CRTAC1: variants seen among roughly 807,000 people sequenced by gnomAD.
CRTAC1 encodes acidic secreted protein in cartilage.
A neutral mutation model predicts 67.8 loss-of-function variants in CRTAC1; 37 were observed. The ratio of observed to expected loss-of-function variants is 0.55; its 90% CI spans 0.42 to 0.72. The LOEUF (loss-of-function observed/expected upper bound fraction) is 0.72, where lower values mean the gene tolerates loss of function less well. Ranked by LOEUF, CRTAC1 falls within the 30% of genes least tolerant of loss-of-function variation. The pLI, the probability that CRTAC1 is intolerant of heterozygous loss-of-function variation, is 0.00. For synonymous variants in CRTAC1, 348 were observed against 371.0 expected (o/e 0.94, Z 0.71); for missense variants, 780 against 931.6 (o/e 0.84, Z 2.12).
chr10:98,011,072 G>A, intron 2 of CRTAC1, 66 bp downstream of exon 2: 1 of 1,404,220 alleles, frequency 7.1e-7, no homozygotes, highest in Non-Finnish European at 1.0e-6. Context: ...GTTTGGAGTT[G>A]TTACACAGCC....
At chr10:97,900,437 T>C (rs2136563869) in intron 8 of CRTAC1, among the ~76,000 whole-genome samples, 1 of 152,350 alleles carries the variant, frequency 6.6e-6, no homozygotes, top group East Asian at 1.9e-4. Context: ...CTGTATTTAC[T>C]TGGACCCCGT....
chr10:97,922,065 C>T (rs925973115), intron 4 of CRTAC1, among the ~76,000 whole-genome samples: 4 of 152,100 alleles, frequency 2.6e-5, no homozygotes, highest in African/African-American at 9.7e-5. Context: ...TGTCAAAAGC[C>T]TTGGTCCTGA....
At chr10:98,022,381 AAG>A (rs1843143196) in intron 1 of CRTAC1, among the ~76,000 whole-genome samples, 1 of 152,044 alleles carries the variant, frequency 6.6e-6, no homozygotes, top group Non-Finnish European at 1.5e-5. Context: ...GAAAGAAAGA[AAG>A]AAAAAATAAA....
intron 2 of CRTAC1, among the ~76,000 whole-genome samples, chr10:97,987,036 C>T (rs1033061693): frequency 1.5e-4 from 23 of 152,348 alleles, no homozygotes; most frequent in African/African-American, 4.8e-4. Context: ...GATTCTGAGA[C>T]TCTCAGTATA....
chr10:98,002,441 A>T (rs1241763399), intron 2 of CRTAC1, among the ~76,000 whole-genome samples: 1 of 152,178 alleles, frequency 6.6e-6, no homozygotes, highest in African/African-American at 2.4e-5. Context: ...CTTGGTAAAC[A>T]GATCTACAGG....
intron 1 of CRTAC1, among the ~76,000 whole-genome samples, chr10:98,015,587 A>G (rs1331632083): frequency 6.6e-6 from 1 of 152,240 alleles, no homozygotes; most frequent in Non-Finnish European, 1.5e-5. Context: ...CTGGCACAGT[A>G]TATGTAGCAA....
rs2050197396 is a variant in CRTAC1, at chr10:97,880,402, G to A, written c.1676-10C>T. 1 of 1,611,536 alleles carries A rather than the reference G, an allele frequency of 6.2e-7. No homozygotes were observed. The highest frequency in any genetic ancestry group is 8.5e-7 in the Non-Finnish European group (1 of 1,177,816). ...ATGCATTCATTGGTGTCTGCAAGGCGAGGGGAACCACTCACCATGAAGGTG... is the reference window on the plus strand; with the variant it reads ...ATGCATTCATTGGTGTCTGCAAGGCAAGGGGAACCACTCACCATGAAGGTG... On this transcript the variant is annotated splice_polypyrimidine_tract_variant and intron_variant, in intron 13 of 14. Coordinates refer to ENST00000370597, the MANE Select transcript of CRTAC1 (RefSeq NM_018058.7).
intron 2 of CRTAC1, among the ~76,000 whole-genome samples, chr10:97,966,125 C>A (rs1486699796): frequency 6.6e-6 from 1 of 152,192 alleles, no homozygotes; most frequent in Non-Finnish European, 1.5e-5. Flanking sequence ...ATCACCCAGG[C>A]TTGAGTGCAG....
chr10:97,888,150 G>A (rs753155121), intron 11 of CRTAC1, among the ~76,000 whole-genome samples: 7 of 152,198 alleles, frequency 4.6e-5, no homozygotes, highest in African/African-American at 7.2e-5. Flanking sequence ...ACCAAGCTTT[G>A]TGCAGGGATT....
At chr10:97,950,246 CAGAGAGAG>C (rs71007371) in intron 2 of CRTAC1, among the ~76,000 whole-genome samples, 402 of 113,408 alleles carry the variant, frequency 3.5e-3, no homozygotes, top group Non-Finnish European at 5.2e-3. Context: ...CACACACACA[CAGAGAGAG>C]AGAGAGAGAG....
intron 2 of CRTAC1, among the ~76,000 whole-genome samples, chr10:98,001,937 C>T (rs1333227979): frequency 1.3e-5 from 2 of 152,200 alleles, no homozygotes; most frequent in African/African-American, 2.4e-5. Flanking sequence ...GCGTCAGATC[C>T]GCCCCCTGGA....
At chr10:97,894,388 T>G (rs1339134552) in intron 11 of CRTAC1, among the ~76,000 whole-genome samples, 1 of 151,840 alleles carries the variant, frequency 6.6e-6, no homozygotes, top group Non-Finnish European at 1.5e-5. Context: ...GCTATATGCA[T>G]GTTGATGCTT....
intron 14 of CRTAC1, chr10:97,875,821 T>A (rs1416447820): frequency 6.6e-6 from 1 of 152,206 alleles, no homozygotes; most frequent in Non-Finnish European, 1.5e-5. Context: ...ACCCAGACCC[T>A]GGGAGGGGGC....
intron 2 of CRTAC1, among the ~76,000 whole-genome samples, chr10:97,949,013 T>C (rs796203351): frequency 1.2e-4 from 19 of 152,054 alleles, no homozygotes; most frequent in African/African-American, 4.3e-4. Context: ...CCACAGCACA[T>C]GGAGATTATG....
chr10:97,903,878 C>T (rs1265748497), intron 7 of CRTAC1, among the ~76,000 whole-genome samples: 1 of 152,108 alleles, frequency 6.6e-6, no homozygotes, highest in East Asian at 1.9e-4. Flanking sequence ...CTGAGGCCAC[C>T]TTGCCTGCCA....
intron 2 of CRTAC1, among the ~76,000 whole-genome samples, chr10:98,003,600 G>T (rs190731853): frequency 1.6e-4 from 24 of 152,250 alleles, no homozygotes; most frequent in Non-Finnish European, 2.6e-4. Context: ...ATTACATTGG[G>T]CCTACTCAGA....
intron 14 of CRTAC1, chr10:97,870,554 G>A (rs2050081409): frequency 6.6e-6 from 1 of 152,122 alleles, no homozygotes; most frequent in African/African-American, 2.4e-5. Flanking sequence ...AGAATTCACT[G>A]AGCTGTATAC....
intron 2 of CRTAC1, among the ~76,000 whole-genome samples, chr10:97,995,328 A>G (rs1029084718): frequency 2.0e-5 from 3 of 151,998 alleles, no homozygotes; most frequent in Non-Finnish European, 2.9e-5. Context: ...ACCCCTCCTC[A>G]TCTGTCTTAT....
Position 98,030,401 on chromosome 10 carries a change from A to C in CRTAC1, c.24+48T>G. On this transcript the variant is annotated intron_variant, in intron 1 of 14. Coordinates refer to ENST00000370597, the MANE Select transcript of CRTAC1 (RefSeq NM_018058.7). The surrounding 1 kb of genome is among the most constrained non-coding windows in gnomAD (Gnocchi z 4.2). ...GATCCGGGGGGGCGCGCAGAGCTGGAGAAACTTTCTCCGCCTTAGGGTGGG... is the reference window on the plus strand; with the variant it reads ...GATCCGGGGGGGCGCGCAGAGCTGGCGAAACTTTCTCCGCCTTAGGGTGGG... 1 of 1,191,024 alleles carries C rather than the reference A, an allele frequency of 8.4e-7. No individual in the cohort carries two copies. The allele number at this position is 1,191,024 out of a possible 1,614,324, so 73.8% of individuals were successfully genotyped here. A position where few individuals can be genotyped will look rare whatever the true frequency, so the allele number is the denominator to read the frequency against.
Sources: gnomAD v4.1 joint callset for allele counts (sites outside exome capture counted in the v4.1 genomes callset) on GRCh38, gnomAD v4.1.1 for gene constraint, Gnocchi (gnomAD v3.1) non-coding constraint, MANE v1.5 for transcripts, NCBI Gene and HGNC (gene_info 2026-07-23, HGNC 2026-07-21) for gene names.